Variants in GPR137B observed in about 807,000 individuals in gnomAD.
GPR137B encodes integral membrane protein GPR137B.
In GPR137B, 42 loss-of-function variants were observed where a neutral mutation model predicts 42.5. The ratio of observed to expected loss-of-function variants is 0.99; its 90% CI spans 0.77 to 1.28. The LOEUF (loss-of-function observed/expected upper bound fraction) is 1.28, where lower values mean the gene tolerates loss of function less well. Ranked by LOEUF, GPR137B falls within the 50% of genes most tolerant of loss-of-function variation. The pLI is 0.00. For synonymous variants in GPR137B, 218 were observed against 209.7 expected (o/e 1.04, Z -0.34); for missense variants, 487 against 493.9 (o/e 0.99, Z 0.13).
intron 1 of GPR137B, among the ~76,000 whole-genome samples, chr1:236,145,103 G>A (rs903419923): frequency 6.6e-6 from 1 of 152,228 alleles, no homozygotes; most frequent in Non-Finnish European, 1.5e-5. Flanking sequence ...GTGGCTGGCT[G>A]GAGAAGGTGG....
At chr1:236,147,691 G>A (rs1164617197) in intron 1 of GPR137B, among the ~76,000 whole-genome samples, 4 of 152,132 alleles carry the variant, frequency 2.6e-5, no homozygotes, top group Non-Finnish European at 5.9e-5. Flanking sequence ...AGGCTCCACC[G>A]GGACTCCACC....
chr1:236,173,716 G>A (rs529238434), intron 2 of GPR137B, among the ~76,000 whole-genome samples: 3 of 152,112 alleles, frequency 2.0e-5, no homozygotes, highest in South Asian at 4.1e-4. Flanking sequence ...CTGGCCCTAT[G>A]GTTTAGGTTA....
chr1:236,206,571 C>T (rs1402132220), intron 6 of GPR137B, among the ~76,000 whole-genome samples: 2 of 152,144 alleles, frequency 1.3e-5, no homozygotes, highest in Non-Finnish European at 2.9e-5. Flanking sequence ...CATGAACTAC[C>T]AGTCCGCTGC....
intron 1 of GPR137B, among the ~76,000 whole-genome samples, chr1:236,153,683 G>A (rs769871241): frequency 1.5e-4 from 23 of 152,180 alleles, no homozygotes; most frequent in Non-Finnish European, 2.5e-4. Context: ...TCCATTGTGC[G>A]ATTGACTGGC....
intron 4 of GPR137B, among the ~76,000 whole-genome samples, chr1:236,180,783 A>AT (rs1662849644): frequency 1.3e-5 from 2 of 151,948 alleles, no homozygotes; most frequent in South Asian, 4.2e-4. Context: ...TACCTGGCTA[A>AT]TTTTTTGTAT....
chr1:236,173,439 G>T (rs1239804295), intron 2 of GPR137B, among the ~76,000 whole-genome samples: 2 of 151,572 alleles, frequency 1.3e-5, no homozygotes, highest in African/African-American at 2.4e-5. Flanking sequence ...GGGAGGGAAG[G>T]AGGAAGAAAG....
intron 2 of GPR137B, 128 bp downstream of exon 2, chr1:236,168,883 C>T: frequency 1.4e-6 from 1 of 736,778 alleles, no homozygotes; most frequent in South Asian, 1.5e-5. Context: ...TGCCTGCTGG[C>T]TGGCTGCCCA....
At position 236,178,603 on chromosome 1, in the gene GPR137B, G is replaced by A. The variant is rs146229847; in HGVS notation, c.654G>A (p.Lys218=). The change falls in exon 3 of 7, where the codon AAG becomes AAA. Residue 218 remains lysine (K), a synonymous_variant. Transcript: ENST00000366592. ...SLSICLYKIS[K]MSLANIYLES... ...CCATCTGTCTCTACAAAATCTCTAA[G>A]ATGTCCTTAGCCAACATTTACTTGG... 66 of 1,611,646 alleles carry A rather than the reference G, an allele frequency of 4.1e-5. No homozygotes were observed. In the African/African-American group the frequency reaches 7.6e-4, roughly 19 times the overall value.
chr1:236,168,972 A>T (rs143592820), intron 2 of GPR137B, among the ~76,000 whole-genome samples: 1 of 152,334 alleles, frequency 6.6e-6, no homozygotes, highest in East Asian at 1.9e-4. Context: ...GACTTGCATC[A>T]TACTTACCCA....
chr1:236,151,143 G>A (rs941761956), intron 1 of GPR137B, among the ~76,000 whole-genome samples: 1 of 152,186 alleles, frequency 6.6e-6, no homozygotes, highest in African/African-American at 2.4e-5. Context: ...GTCTGTCTGG[G>A]TCCTGACATT....
chr1:236,144,034 G>A (rs1403064212), intron 1 of GPR137B, among the ~76,000 whole-genome samples: 1 of 151,518 alleles, frequency 6.6e-6, no homozygotes, highest in Non-Finnish European at 1.5e-5. Context: ...TTTCAGAACT[G>A]TCGGATGGGC....
intron 5 of GPR137B, among the ~76,000 whole-genome samples, chr1:236,195,180 G>A (rs1483703883): frequency 6.6e-6 from 1 of 150,540 alleles, no homozygotes; most frequent in Non-Finnish European, 1.5e-5. Flanking sequence ...CCACCCTGTT[G>A]TTAGTGCTAT....
chr1:236,156,303 T>A lies in GPR137B; in HGVS notation c.415-12403T>A, dbSNP rs551075408. On this transcript the variant is annotated intron_variant, in intron 1 of 6. Transcript: ENST00000366592. This position sits in a 1 kb window ranked among gnomAD's most constrained non-coding sequence, Gnocchi z 4.8. ...GTGAACACCTGACCATGTATTCCAG[T>A]GACCCCTCTCACACCTGGCCAGCCT... Among the ~76,000 whole-genome samples the A allele has an allele frequency of 6.2e-4, 95 of 152,316 alleles. No homozygotes were observed. The South Asian group carries it at 0.011, about 17-fold the overall frequency.
intron 1 of GPR137B, among the ~76,000 whole-genome samples, chr1:236,154,716 G>A (rs981925520): frequency 3.3e-5 from 5 of 152,078 alleles, no homozygotes; most frequent in Non-Finnish European, 5.9e-5. Context: ...GTTATTCTGT[G>A]AGGAGGGGCA....
At chr1:236,200,331 T>C (rs2102924618) in intron 5 of GPR137B, among the ~76,000 whole-genome samples, 1 of 152,150 alleles carries the variant, frequency 6.6e-6, no homozygotes, top group Admixed American at 6.5e-5. Context: ...TCTGCAGTTG[T>C]TGGGTAGAAT....
At position 236,180,104 on chromosome 1, in the gene GPR137B, A is replaced by G. The variant is rs574315459; in HGVS notation, c.837+76A>G. On this transcript the variant is annotated intron_variant, in intron 4 of 6. Transcript: ENST00000366592. The stretch of plus-strand genomic sequence containing the variant: ...CTCGAGGCATTGGTTCCAGGACCCC[A>G]GAAAATACCAAAATCTGGATGCTCA... 5 of 1,200,508 alleles carry G rather than the reference A, an allele frequency of 4.2e-6. No homozygotes were observed. The East Asian group carries it at 1.2e-4, about 28-fold the overall frequency. 74.4% of individuals were successfully genotyped at this position (1,200,508 alleles called of 1,614,324 possible). A position where few individuals can be genotyped will look rare whatever the true frequency, so the allele number is the denominator to read the frequency against.
chr1:236,157,475 A>G (rs1308262708), intron 1 of GPR137B, among the ~76,000 whole-genome samples: 1 of 151,026 alleles, frequency 6.6e-6, no homozygotes, highest in Non-Finnish European at 1.5e-5. Context: ...CGCCTCCCCC[A>G]CCTCCCAAAG....
At chr1:236,144,695 A>C (rs1661634580) in intron 1 of GPR137B, among the ~76,000 whole-genome samples, 1 of 152,246 alleles carries the variant, frequency 6.6e-6, no homozygotes, top group Admixed American at 6.5e-5. Flanking sequence ...CATTGCACAG[A>C]CACTTGGGTT....
chr1:236,195,831 T>A (rs1484680193), intron 5 of GPR137B, among the ~76,000 whole-genome samples: 2 of 152,198 alleles, frequency 1.3e-5, no homozygotes, highest in East Asian at 3.9e-4. Context: ...GTAGTTTTGA[T>A]TTGCATTTCT....
Sources: gnomAD v4.1 joint callset for allele counts (sites outside exome capture counted in the v4.1 genomes callset) on GRCh38, gnomAD v4.1.1 for gene constraint, Gnocchi (gnomAD v3.1) non-coding constraint, MANE v1.5 for transcripts, NCBI Gene and HGNC (gene_info 2026-07-23, HGNC 2026-07-21) for gene names.